The following FRMPD1 variants were observed in gnomAD, a reference collection of about 807,000 sequenced individuals.
FRMPD1 encodes the protein FERM and PDZ domain-containing protein 1.
In FRMPD1, 76 loss-of-function variants were observed where a neutral mutation model predicts 117.8. The ratio of observed to expected loss-of-function variants is 0.65; its 90% CI spans 0.54 to 0.78. FRMPD1 has a LOEUF of 0.78. Among genes scored for constraint, FRMPD1 ranks in the 30% least tolerant of loss-of-function variants. The pLI, the probability that FRMPD1 is intolerant of heterozygous loss-of-function variation, is 0.00. For missense variants in FRMPD1, 1,786 were observed against 1,964.5 expected, an observed-to-expected ratio of 0.91 and a Z score of 1.72; for synonymous variants, 783 against 770.4, an observed-to-expected ratio of 1.02 and a Z score of -0.27.
At chr9:37,678,571 T>G (rs928099465) in intron 1 of FRMPD1, among the ~76,000 whole-genome samples, 2 of 150,490 alleles carry the variant, frequency 1.3e-5, no homozygotes, top group Non-Finnish European at 3.0e-5. Context: ...TACTTACCAC[T>G]TTCTAACAGT....
At chr9:37,638,041 T>TCTTCCTTTCTTCCTTCCTTCCTTTCTTC in the FRMPD1 span, among the ~76,000 whole-genome samples, 1 of 146,570 alleles carries the variant, frequency 6.8e-6, no homozygotes, top group African/African-American at 2.5e-5. Flanking sequence ...TTTCTTCCTT[T>TCTTCCTTTCTTCCTTCCTTCCTTTCTTC]CTTTCTTTCC....
chr9:37,742,392 G>GTT (rs771583741), intron 15 of FRMPD1, among the ~76,000 whole-genome samples: 4 of 152,178 alleles, frequency 2.6e-5, no homozygotes, highest in Non-Finnish European at 5.9e-5. Flanking sequence ...ACACTGTTTT[G>GTT]TTTTTGTTTT....
chr9:37,635,916 G>T, the FRMPD1 span, among the ~76,000 whole-genome samples: 23 of 152,310 alleles, frequency 1.5e-4, no homozygotes, highest in African/African-American at 5.5e-4. Context: ...GAGGGTTAAG[G>T]CTGGTGCCCA....
At position 37,696,975 on chromosome 9, in the gene FRMPD1, A is replaced by C. The variant is rs545660698; in HGVS notation, c.101+4233A>C. Among the ~76,000 whole-genome samples, 3 of 148,638 alleles carry C rather than the reference A, an allele frequency of 2.0e-5. No homozygotes were observed. In the South Asian group the frequency reaches 6.5e-4, roughly 32 times the overall value. The stretch of plus-strand genomic sequence containing the variant: ...CCAGGCATTACTAAACAAATTGATA[A>C]CTTTTATACACACAGAGTAATGTTA... On this transcript the variant is annotated intron_variant, in intron 2 of 15. Coordinates refer to ENST00000377765, the MANE Select transcript of FRMPD1 (RefSeq NM_014907.3).
chr9:37,604,737 A>G, the FRMPD1 span, among the ~76,000 whole-genome samples: 7 of 152,238 alleles, frequency 4.6e-5, no homozygotes, highest in African/African-American at 1.4e-4. Context: ...GGTCCTCAGC[A>G]TTGAAGTGGG....
At chr9:37,694,617 A>T (rs1822256094) in intron 2 of FRMPD1, among the ~76,000 whole-genome samples, 1 of 152,040 alleles carries the variant, frequency 6.6e-6, no homozygotes, top group African/African-American at 2.4e-5. Context: ...GTGTGATCTC[A>T]GCTCACCTGC....
chr9:37,638,903 T>A, the FRMPD1 span, among the ~76,000 whole-genome samples: 1 of 152,218 alleles, frequency 6.6e-6, no homozygotes, highest in Non-Finnish European at 1.5e-5. Flanking sequence ...GACTTCCTGC[T>A]ATGAAATCCC....
chr9:37,606,073 G>A, the FRMPD1 span, among the ~76,000 whole-genome samples: 1 of 152,186 alleles, frequency 6.6e-6, no homozygotes, highest in African/African-American at 2.4e-5. Flanking sequence ...TGTATAATCT[G>A]TAGACCCCTG....
intron 2 of FRMPD1, among the ~76,000 whole-genome samples, chr9:37,702,438 G>A (rs565293723): frequency 6.6e-6 from 1 of 152,318 alleles, no homozygotes; most frequent in East Asian, 1.9e-4. Flanking sequence ...TTGGATGCTC[G>A]GGGCCATAAG....
At position 37,733,461 on chromosome 9, in the gene FRMPD1, G is replaced by A; in HGVS notation, c.996-12G>A. ...AGAAATGGGCCTCCTTGTCTCCAAT[G>A]TCTCATGGCAGGAAAGACTGGGGAA... is the stretch of plus-strand genomic sequence containing the variant. On this transcript the variant is annotated splice_polypyrimidine_tract_variant and intron_variant, in intron 10 of 15. Coordinates refer to ENST00000377765, the MANE Select transcript of FRMPD1 (RefSeq NM_014907.3). The A allele has an allele frequency of 6.2e-7, 1 of 1,611,220 alleles. No homozygotes were observed. Among genetic ancestry groups the A allele is most frequent in the Non-Finnish European group, 8.5e-7 (1 of 1,179,064 alleles).
At chr9:37,607,447 A>C in the FRMPD1 span, among the ~76,000 whole-genome samples, 1 of 151,712 alleles carries the variant, frequency 6.6e-6, no homozygotes, top group East Asian at 1.9e-4. Flanking sequence ...AGGAAAAAAA[A>C]CAAGGATTAG....
At chr9:37,736,233 C>T (rs1279377068) in intron 13 of FRMPD1, among the ~76,000 whole-genome samples, 2 of 151,832 alleles carry the variant, frequency 1.3e-5, no homozygotes, top group Non-Finnish European at 2.9e-5. Flanking sequence ...GATCTCCTGA[C>T]CTCGTGATCC....
chr9:37,709,525 A>G (rs955390182), intron 4 of FRMPD1, among the ~76,000 whole-genome samples: 14 of 152,180 alleles, frequency 9.2e-5, no homozygotes, highest in Admixed American at 6.5e-4. Flanking sequence ...ACTGCACTCC[A>G]GCCTGGGTGA....
chr9:37,730,555 G>T (rs956777311), intron 8 of FRMPD1, among the ~76,000 whole-genome samples: 5 of 152,144 alleles, frequency 3.3e-5, no homozygotes, highest in Admixed American at 6.5e-5. Flanking sequence ...TATTCCATTT[G>T]CATTGGGAAA....
At position 37,737,082 on chromosome 9, in the gene FRMPD1, A is replaced by G. The variant is rs1201122907; in HGVS notation, c.1402-14A>G. ...GGTCCTTGATAAACATGAGATTTCT[A>G]TTTGCTTTCAAAGGTTCTGACTTTG... On this transcript the variant is annotated splice_polypyrimidine_tract_variant and intron_variant, in intron 13 of 15. Coordinates refer to ENST00000377765, the MANE Select transcript of FRMPD1 (RefSeq NM_014907.3). 1 of 1,606,074 alleles carries G rather than the reference A, an allele frequency of 6.2e-7. No individual in the cohort carries two copies. The highest frequency in any genetic ancestry group is 8.5e-7 in the Non-Finnish European group (1 of 1,173,358).
intron 1 of FRMPD1, among the ~76,000 whole-genome samples, chr9:37,685,788 T>C (rs966722444): frequency 6.6e-6 from 1 of 152,260 alleles, no homozygotes; most frequent in African/African-American, 2.4e-5. Flanking sequence ...CTTGAAGTGC[T>C]CTCTAGTTTT....
chr9:37,650,928 C>A (rs918093803), upstream of FRMPD1: 3 of 149,934 alleles, frequency 2.0e-5, no homozygotes, highest in Non-Finnish European at 4.5e-5. Context: ...CCCGGCCAAC[C>A]CCTCCGGCTG....
the FRMPD1 span, among the ~76,000 whole-genome samples, chr9:37,619,583 C>A: frequency 3.3e-5 from 5 of 151,804 alleles, no homozygotes; most frequent in Non-Finnish European, 5.9e-5. Context: ...CATAGCAAAA[C>A]CCCATCTCTA....
chr9:37,686,153 A>G (rs1015168834), intron 1 of FRMPD1, among the ~76,000 whole-genome samples: 1 of 152,226 alleles, frequency 6.6e-6, no homozygotes, highest in African/African-American at 2.4e-5. Flanking sequence ...CTTGTATTAC[A>G]AGGAACTGTT....
Sources: gnomAD v4.1 joint callset for allele counts (sites outside exome capture counted in the v4.1 genomes callset) on GRCh38, gnomAD v4.1.1 for gene constraint, MANE v1.5 for transcripts, NCBI Gene and HGNC (gene_info 2026-07-23, HGNC 2026-07-21) for gene names.